Variants in NRXN3 observed in about 807,000 individuals in gnomAD.
NRXN3 encodes neurexin III.
In NRXN3, 32 loss-of-function variants were observed where a neutral mutation model predicts 137.6. The ratio of observed to expected loss-of-function variants is 0.23; its 90% CI spans 0.18 to 0.31. The LOEUF (loss-of-function observed/expected upper bound fraction) is 0.31. NRXN3 is among the 10% of genes least tolerant of loss of function. The pLI, the probability that NRXN3 is intolerant of heterozygous loss-of-function variation, is 1.00. For synonymous variants in NRXN3, 798 were observed against 784.5 expected (o/e 1.02, Z -0.29); for missense variants, 1,574 against 2,062.5 (o/e 0.76, Z 4.59).
At chr14:78,476,618 G>A (rs1193423848) in intron 4 of NRXN3, among the ~76,000 whole-genome samples, 3 of 152,082 alleles carry the variant, frequency 2.0e-5, no homozygotes, top group Non-Finnish European at 2.9e-5. Flanking sequence ...TTTAAATATT[G>A]TCTAGTTCTT....
At chr14:79,547,776 G>A (rs557508329) in intron 16 of NRXN3, among the ~76,000 whole-genome samples, 1 of 152,290 alleles carries the variant, frequency 6.6e-6, no homozygotes, top group East Asian at 1.9e-4. Context: ...AGAAGCACCT[G>A]TTTTTAAACA....
intron 5 of NRXN3, among the ~76,000 whole-genome samples, chr14:78,650,644 G>A (rs1428817029): frequency 1.3e-5 from 2 of 151,234 alleles, no homozygotes; most frequent in African/African-American, 4.9e-5. Context: ...TCAGCGTGGT[G>A]TGAGCCAAAA....
chr14:78,878,671 T>C (rs1178200461), intron 10 of NRXN3, among the ~76,000 whole-genome samples: 2 of 152,212 alleles, frequency 1.3e-5, no homozygotes, highest in Non-Finnish European at 1.5e-5. Context: ...AGCTAACATA[T>C]GTATTACCTC....
At chr14:78,786,831 AG>A (rs2098790570) in intron 8 of NRXN3, among the ~76,000 whole-genome samples, 1 of 152,190 alleles carries the variant, frequency 6.6e-6, no homozygotes, top group African/African-American at 2.4e-5. Context: ...ATTCCAAATA[AG>A]GACAGTAAAA....
At chr14:79,609,737 AC>A in intron 16 of NRXN3, among the ~76,000 whole-genome samples, 1 of 152,302 alleles carries the variant, frequency 6.6e-6, no homozygotes, top group East Asian at 1.9e-4. Context: ...TATACCAGAC[AC>A]TTTATTAGCT....
intron 4 of NRXN3, among the ~76,000 whole-genome samples, chr14:78,341,321 C>A (rs982699522): frequency 5.3e-5 from 8 of 152,002 alleles, no homozygotes; most frequent in African/African-American, 1.9e-4. Context: ...GGGGTAGGGC[C>A]CAAGATTTTC....
At chr14:79,480,271 T>G (rs1004525437) in intron 16 of NRXN3, among the ~76,000 whole-genome samples, 2 of 152,170 alleles carry the variant, frequency 1.3e-5, no homozygotes, top group African/African-American at 4.8e-5. Context: ...ATTCCTAAGG[T>G]TAACAGGTTT....
At chr14:79,276,540 A>G (rs2080302628) in intron 15 of NRXN3, among the ~76,000 whole-genome samples, 4 of 152,198 alleles carry the variant, frequency 2.6e-5, no homozygotes, top group Admixed American at 2.6e-4. Flanking sequence ...ATGACAAGTG[A>G]AATGAATAGT....
At chr14:79,262,564 GGAA>G (rs544652817) in intron 15 of NRXN3, among the ~76,000 whole-genome samples, 17 of 150,926 alleles carry the variant, frequency 1.1e-4, no homozygotes, top group East Asian at 2.0e-4. Context: ...AGGAGGAGGA[GGAA>G]GAAGAAGAAG....
At chr14:79,592,262 T>G (rs2097812643) in intron 16 of NRXN3, among the ~76,000 whole-genome samples, 1 of 152,212 alleles carries the variant, frequency 6.6e-6, no homozygotes, top group Non-Finnish European at 1.5e-5. Context: ...TAATTACAAC[T>G]GAGTCTCAAA....
At chr14:78,958,499 G>T (rs2152970685) in intron 11 of NRXN3, among the ~76,000 whole-genome samples, 1 of 152,114 alleles carries the variant, frequency 6.6e-6, no homozygotes, top group Admixed American at 6.5e-5. Context: ...GGGACTACAG[G>T]TGCCTGCCAC....
chr14:78,954,759 C>T (rs2099393539), intron 10 of NRXN3, among the ~76,000 whole-genome samples: 1 of 148,812 alleles, frequency 6.7e-6, no homozygotes, highest in South Asian at 2.1e-4. Context: ...GCCACTGCAC[C>T]TGGCCTGGTT....
intron 14 of NRXN3, among the ~76,000 whole-genome samples, chr14:78,975,870 C>T (rs957090738): frequency 9.2e-5 from 14 of 152,206 alleles, no homozygotes; most frequent in Middle Eastern, 3.4e-3. Context: ...AGAAGTTTAC[C>T]GACTTTCCTG....
intron 8 of NRXN3, among the ~76,000 whole-genome samples, chr14:78,732,685 A>T (rs2098522008): frequency 6.6e-6 from 1 of 152,206 alleles, no homozygotes; most frequent in Non-Finnish European, 1.5e-5. Context: ...AATGCAGAGA[A>T]TGCTTATGAC....
At chr14:78,660,214 G>A (rs1035464067) in intron 6 of NRXN3, among the ~76,000 whole-genome samples, 1 of 150,186 alleles carries the variant, frequency 6.7e-6, no homozygotes, top group African/African-American at 2.5e-5. Context: ...AGAAGGATTT[G>A]CTGCTTACAG....
At chr14:78,738,978 T>G (rs2098552740) in intron 8 of NRXN3, among the ~76,000 whole-genome samples, 1 of 152,188 alleles carries the variant, frequency 6.6e-6, no homozygotes, top group Non-Finnish European at 1.5e-5. Flanking sequence ...GAATGCAGAT[T>G]AGAATTAAAA....
intron 15 of NRXN3, among the ~76,000 whole-genome samples, chr14:79,179,295 T>C (rs755356706): frequency 6.6e-6 from 1 of 152,194 alleles, no homozygotes; most frequent in African/African-American, 2.4e-5. Flanking sequence ...ATAGAATACT[T>C]GACCAAGAAC....
At chr14:79,743,127 G>T (rs2098968309) in intron 19 of NRXN3, among the ~76,000 whole-genome samples, 1 of 152,130 alleles carries the variant, frequency 6.6e-6, no homozygotes, top group Admixed American at 6.6e-5. Context: ...TTCATCACAT[G>T]ATTTTATTTA....
intron 15 of NRXN3, among the ~76,000 whole-genome samples, chr14:79,424,179 A>C (rs1047782277): frequency 6.6e-6 from 1 of 152,238 alleles, no homozygotes; most frequent in Non-Finnish European, 1.5e-5. Context: ...ACAGACACAC[A>C]TACAGAGACT....
Sources: gnomAD v4.1 joint callset for allele counts (sites outside exome capture counted in the v4.1 genomes callset) on GRCh38, gnomAD v4.1.1 for gene constraint, MANE v1.5 for transcripts, NCBI Gene and HGNC (gene_info 2026-07-23, HGNC 2026-07-21) for gene names.